Variants in AP3S1 observed in about 807,000 individuals in gnomAD.
The protein encoded by AP3S1 is AP-3 complex subunit sigma-1.
In AP3S1, 12 loss-of-function variants were observed where a neutral mutation model predicts 21.3. The ratio of observed to expected loss-of-function variants is 0.56; its 90% CI spans 0.36 to 0.91. The LOEUF (loss-of-function observed/expected upper bound fraction) is 0.91, where lower values mean the gene tolerates loss of function less well. Among genes scored for constraint, AP3S1 ranks in the 40% least tolerant of loss-of-function variants. The pLI is 0.01. For missense variants in AP3S1, 116 were observed against 225.0 expected (o/e 0.52, Z 3.10); for synonymous variants, 48 against 78.4 (o/e 0.61, Z 2.05).
chr5:115,859,837 C>T (rs1763046503), intron 1 of AP3S1, among the ~76,000 whole-genome samples: 3 of 152,216 alleles, frequency 2.0e-5, no homozygotes, highest in Non-Finnish European at 4.4e-5. Context: ...TCTAGGTATT[C>T]TGAGAACTGA....
At chr5:115,889,226 T>C (rs960834100) in intron 3 of AP3S1, among the ~76,000 whole-genome samples, 8 of 152,206 alleles carry the variant, frequency 5.3e-5, no homozygotes, top group Non-Finnish European at 1.2e-4. Flanking sequence ...ACAGCATTTT[T>C]ACCAAGATGG....
intron 2 of AP3S1, among the ~76,000 whole-genome samples, chr5:115,868,624 G>T (rs772329097): frequency 5.3e-5 from 8 of 152,058 alleles, no homozygotes; most frequent in Non-Finnish European, 8.8e-5. Flanking sequence ...GCTCACGCCT[G>T]TAATCCTAGC....
chr5:115,848,730 C>G (rs969162856), intron 1 of AP3S1, among the ~76,000 whole-genome samples: 2 of 152,112 alleles, frequency 1.3e-5, no homozygotes, highest in African/African-American at 4.8e-5. Flanking sequence ...TCTAGAGGGC[C>G]CAGTCCCCTT....
At position 115,905,409 on chromosome 5, in the gene AP3S1, G is replaced by T. The variant is rs375954730; in HGVS notation, c.453+2417G>T. On this transcript the variant is annotated intron_variant, in intron 5 of 5. Transcript: ENST00000316788. ...CTATTATTCATTCCCTGATCATCTC[G>T]CATCATACATAATTGTTATCTGGTA... Among the ~76,000 whole-genome samples, 6 of 151,984 alleles carry T rather than the reference G, an allele frequency of 3.9e-5. No individual in the cohort carries two copies. The South Asian group carries it at 1.0e-3, about 26-fold the overall frequency.
chr5:115,897,393 A>T (rs747210742), intron 4 of AP3S1, among the ~76,000 whole-genome samples: 87 of 152,306 alleles, frequency 5.7e-4, no homozygotes, highest in Non-Finnish European at 9.4e-4. Flanking sequence ...AAAGACAGAG[A>T]TCAAATAAGT....
At chr5:115,897,906 A>G (rs1239341556) in intron 4 of AP3S1, among the ~76,000 whole-genome samples, 1 of 152,162 alleles carries the variant, frequency 6.6e-6, no homozygotes, top group Admixed American at 6.5e-5. Context: ...AGGTTTGCAC[A>G]CAACCCTCAG....
intron 3 of AP3S1, among the ~76,000 whole-genome samples, chr5:115,879,061 T>C (rs1749030833): frequency 6.6e-6 from 1 of 152,230 alleles, no homozygotes; most frequent in African/African-American, 2.4e-5. Flanking sequence ...TCCTGAGACT[T>C]TGCTGAAGTT....
chr5:115,869,472 T>C (rs1217081424), intron 2 of AP3S1, among the ~76,000 whole-genome samples: 1 of 152,208 alleles, frequency 6.6e-6, no homozygotes, highest in Non-Finnish European at 1.5e-5. Flanking sequence ...TCTTTTCTTA[T>C]CTACTGGCCT....
In AP3S1 at chr5:115,855,019, A is replaced by ATATCTATCTATCTATC. The variant is rs34447523; in HGVS notation, c.70-11621_70-11606dup. Among the ~76,000 whole-genome samples the ATATCTATCTATCTATC allele has an allele frequency of 7.7e-4, 113 of 147,544 alleles. 1 individual carries two copies. The highest frequency in any genetic ancestry group is 1.2e-3 in the Non-Finnish European group (78 of 66,950). On this transcript the variant is annotated intron_variant, in intron 1 of 5. Transcript: ENST00000316788. The stretch of plus-strand genomic sequence containing the variant: ...GTGTGTGTGTGTATGTATATATTTT[A>ATATCTATCTATCTATC]TATCTATCTATCTATCTATCTATCT...
At chr5:115,909,293 T>TTGGG (rs1015185502) in intron 5 of AP3S1, among the ~76,000 whole-genome samples, 1 of 152,208 alleles carries the variant, frequency 6.6e-6, no homozygotes, top group African/African-American at 2.4e-5. Flanking sequence ...TTGTTTATTT[T>TTGGG]TGGGTCTGGC....
At chr5:115,897,566 TC>T (rs1750857319) in intron 4 of AP3S1, among the ~76,000 whole-genome samples, 1 of 151,970 alleles carries the variant, frequency 6.6e-6, no homozygotes, top group African/African-American at 2.4e-5. Flanking sequence ...GCTCACATTT[TC>T]TTTTTTTTTT....
intron 4 of AP3S1, among the ~76,000 whole-genome samples, chr5:115,895,533 G>A (rs1750686277): frequency 6.6e-6 from 1 of 152,160 alleles, no homozygotes; most frequent in Admixed American, 6.5e-5. Context: ...TGGTCCTACT[G>A]ACAGAGATAT....
intron 1 of AP3S1, among the ~76,000 whole-genome samples, chr5:115,862,649 G>T (rs775911383): frequency 3.3e-5 from 5 of 152,200 alleles, no homozygotes; most frequent in Admixed American, 2.6e-4. Context: ...TTGAGAATCT[G>T]CTTAAAATGC....
At chr5:115,894,147 G>A (rs1270611285) in intron 3 of AP3S1, among the ~76,000 whole-genome samples, 2 of 152,194 alleles carry the variant, frequency 1.3e-5, no homozygotes, top group East Asian at 3.8e-4. Flanking sequence ...GATGAAGTCT[G>A]GAAGACTCCA....
chr5:115,860,547 ACT>A (rs1279538372), intron 1 of AP3S1, among the ~76,000 whole-genome samples: 15 of 151,936 alleles, frequency 9.9e-5, no homozygotes, highest in African/African-American at 3.4e-4. Context: ...ATTTTACAGT[ACT>A]CTCTTTATCT....
intron 3 of AP3S1, among the ~76,000 whole-genome samples, chr5:115,893,199 A>C (rs1367669798): frequency 6.6e-6 from 1 of 152,298 alleles, no homozygotes; most frequent in East Asian, 1.9e-4. Flanking sequence ...AAGTGCCACT[A>C]GCGATGGTGG....
At chr5:115,862,030 G>A (rs149043074) in intron 1 of AP3S1, among the ~76,000 whole-genome samples, 139 of 151,800 alleles carry the variant, frequency 9.2e-4, no homozygotes, top group Middle Eastern at 3.4e-3. Context: ...GGCGTGGTTC[G>A]GTTCTTTAAC....
At chr5:115,894,000 T>G (rs186698907) in intron 3 of AP3S1, among the ~76,000 whole-genome samples, 19 of 152,284 alleles carry the variant, frequency 1.2e-4, no homozygotes, top group African/African-American at 4.1e-4. Context: ...AGAGATTGAT[T>G]TTTGAAGGTT....
At chr5:115,910,399 G>C (rs944504084) in intron 5 of AP3S1, among the ~76,000 whole-genome samples, 1 of 152,214 alleles carries the variant, frequency 6.6e-6, no homozygotes, top group East Asian at 1.9e-4. Flanking sequence ...TGCGGGTAAG[G>C]GGGGACTACT....
Sources: allele counts gnomAD v4.1 joint callset (sites outside exome capture counted in the v4.1 genomes callset), GRCh38; gene constraint gnomAD v4.1.1; transcripts MANE v1.5; gene names NCBI Gene and HGNC (gene_info 2026-07-23, HGNC 2026-07-21).